The following GOLGA6L7 variants were observed in gnomAD, a reference collection of about 807,000 sequenced individuals.
The protein encoded by GOLGA6L7 is golgin A6 family like 7.
GOLGA6L7 carries 29 observed loss-of-function variants against 68.9 expected under a neutral mutation model. The observed-to-expected ratio is 0.42, with a 90% CI of 0.31 to 0.57. The LOEUF (loss-of-function observed/expected upper bound fraction) is 0.57, where lower values mean the gene tolerates loss of function less well. Ranked by LOEUF, GOLGA6L7 falls within the 20% of genes least tolerant of loss-of-function variation. The pLI is 0.13. For synonymous variants in GOLGA6L7, 133 were observed against 197.4 expected, an observed-to-expected ratio of 0.67 and a Z score of 2.73; for missense variants, 396 against 588.4, an observed-to-expected ratio of 0.67 and a Z score of 3.38.
In GOLGA6L7 at chr15:28,843,187, A is replaced by G. The variant is rs2030277243; in HGVS notation, c.917T>C (p.Met306Thr). The change falls in exon 9 of 9, where the codon ATG becomes ACG. Residue 306 changes from methionine to threonine, a missense_variant. Transcript: ENST00000567390. ...CCGCATCTGCTCCTCCTGCTTCCGC[A>G]TCTGCTCCTCCTGCTTCCGCATCTG... ...EEQMRKQEEQ[M>T]RKQEEQMRKQ... 1 of 495,984 alleles carries G rather than the reference A, an allele frequency of 2.0e-6. No individual in the cohort carries two copies. Among genetic ancestry groups the G allele is most frequent in the Non-Finnish European group, 3.5e-6 (1 of 284,338 alleles). The allele number at this position is 495,984 out of a possible 1,614,324, so 30.7% of individuals were successfully genotyped here. A position where few individuals can be genotyped will look rare whatever the true frequency, so the allele number is the denominator to read the frequency against.
rs1252278256 is a variant in GOLGA6L7, at chr15:28,842,571, C to G, written c.1533G>C (p.Glu511Asp). ...TCTTCTCCTCCTCCTCCTGCATCTTCTCATACTCATCCCACAGCCTCTCCT... is the reference window on the plus strand; with the variant it reads ...TCTTCTCCTCCTCCTCCTGCATCTTGTCATACTCATCCCACAGCCTCTCCT... ...FKEERLWDEY[E>D]KMQEEEEKIR... Residue 511 changes from glutamate (E) to aspartate (D), a missense_variant, in exon 9 of 9, where the codon GAG becomes GAC. By Grantham distance (45) the Glu-to-Asp change is conservative. Transcript: ENST00000567390. 1 of 1,276,162 alleles carries G rather than the reference C, an allele frequency of 7.8e-7. No homozygotes were observed. Among genetic ancestry groups the G allele is most frequent in the Non-Finnish European group, 9.9e-7 (1 of 1,014,452 alleles). 79.1% of individuals were successfully genotyped at this position (1,276,162 alleles called of 1,614,324 possible). A position where few individuals can be genotyped will look rare whatever the true frequency, so the allele number is the denominator to read the frequency against.
At chr15:28,844,036 T>G (rs2030316864) in intron 7 of GOLGA6L7, among the ~76,000 whole-genome samples, 161 bp from the exon 8 acceptor site, 1 of 151,976 alleles carries the variant, frequency 6.6e-6, no homozygotes, top group Admixed American at 6.6e-5. Context: ...AGACATGAGT[T>G]GCCTGAGGCT....
At chr15:28,846,913 C>T (rs1417348211) in intron 2 of GOLGA6L7, 151 bp downstream of exon 2, 2 of 545,552 alleles carry the variant, frequency 3.7e-6, no homozygotes, top group Non-Finnish European at 6.2e-6. Flanking sequence ...TTTCCCTAAA[C>T]CGTGTCCCTC....
intron 1 of GOLGA6L7, 110 bp downstream of exon 1, chr15:28,848,389 G>GCCCGGCCCTGCGTGC: frequency 1.5e-6 from 1 of 646,784 alleles, no homozygotes; most frequent in East Asian, 2.8e-5. Flanking sequence ...ACTGGGGGGG[G>GCCCGGCCCTGCGTGC]CCCGGCCCTG....
rs201395869 is a variant in GOLGA6L7, at chr15:28,841,908, AAC to A, written c.*325_*326del. On this transcript the variant is annotated 3_prime_UTR_variant, in exon 9 of 9. Transcript: ENST00000567390. ...ACAAAAGGAGAAAACAAACAAAAAA[AAC>A]AATAGAAACATACATAGATATTAGA... The A allele has an allele frequency of 1.6e-4, 27 of 170,226 alleles. No individual in the cohort carries two copies. Among genetic ancestry groups the A allele is most frequent in the East Asian group, 4.6e-4 (3 of 6,582 alleles). 10.5% of individuals were successfully genotyped at this position (170,226 alleles called of 1,614,324 possible). A position where few individuals can be genotyped will look rare whatever the true frequency, so the allele number is the denominator to read the frequency against.
chr15:28,842,543 G>C lies in GOLGA6L7; in HGVS notation c.1561C>G (p.Arg521Gly). 8.1e-7 allele frequency: 1 copy of C among 1,239,668 alleles called. No homozygotes were observed. The highest frequency in any genetic ancestry group is 1.0e-6 in the Non-Finnish European group (1 of 989,336). The allele number at this position is 1,239,668 out of a possible 1,614,324, so 76.8% of individuals were successfully genotyped here. ...EKMQEEEEKI[R>G]RQVEKRREKK... Reference sequence around the variant, plus strand: ...TCCCGCCTCTTCTCCACCTGCCTCCGGATCTTCTCCTCCTCCTCCTGCATC... The same window carrying C: ...TCCCGCCTCTTCTCCACCTGCCTCCCGATCTTCTCCTCCTCCTCCTGCATC... Residue 521 changes from arginine to glycine, a missense_variant, in exon 9 of 9, where the codon CGG becomes GGG. Physicochemically the swap from Arg to Gly is moderately radical, Grantham distance 125. Transcript: ENST00000567390.
intron 1 of GOLGA6L7, among the ~76,000 whole-genome samples, chr15:28,847,772 A>C (rs1031226034): frequency 1.2e-4 from 18 of 152,356 alleles, no homozygotes; most frequent in African/African-American, 4.1e-4. Flanking sequence ...GAGATGAGGA[A>C]GATTCAAGTT....
chr15:28,842,254 A>C lies in GOLGA6L7; in HGVS notation c.1850T>G (p.Ile617Ser). 1 of 1,229,696 alleles carries C rather than the reference A, an allele frequency of 8.1e-7. No homozygotes were observed. The highest frequency in any genetic ancestry group is 1.0e-6 in the Non-Finnish European group (1 of 985,328). The allele number at this position is 1,229,696 out of a possible 1,614,324, so 76.2% of individuals were successfully genotyped here. The part of the protein sequence containing the change: ...PFFYGGDKKK[I>S]KIISI ...TTCTTTTTAGATACTGATGATCTTG[A>C]TCTTTTTCTTGTCTCCTCCGTAGAA... Residue 617 changes from isoleucine (I) to serine (S), a missense_variant, in exon 9 of 9, where the codon ATC (isoleucine) becomes AGC (serine). Ile to Ser is a moderately radical substitution (Grantham distance 142). Around this residue, in one of 5 missense-constraint regions of GOLGA6L7, gnomAD observed 125 missense variants for 163.3 expected, o/e 0.77. Transcript: ENST00000567390.
intron 4 of GOLGA6L7, 35 bp from the exon 5 acceptor site, chr15:28,845,846 A>G (rs1482905083): frequency 9.9e-7 from 1 of 1,005,346 alleles, no homozygotes; most frequent in Admixed American, 1.9e-5. Context: ...GCTGAAAGAG[A>G]AGCAAAGAAA....
intron 8 of GOLGA6L7, 74 bp downstream of exon 8, chr15:28,843,660 C>T: frequency 1.7e-6 from 1 of 587,584 alleles, no homozygotes; most frequent in South Asian, 2.3e-5. Context: ...GGAGCCTCCC[C>T]ACACCCTGCA....
intron 1 of GOLGA6L7, 149 bp downstream of exon 1, chr15:28,848,350 C>T: frequency 1.6e-6 from 1 of 617,656 alleles, no homozygotes; most frequent in Non-Finnish European, 2.9e-6. Context: ...GGGGCTGACA[C>T]AAGATTTTGG....
intron 6 of GOLGA6L7, chr15:28,845,125 T>TACGTAC (rs1435501840): frequency 3.1e-5 from 9 of 289,414 alleles, no homozygotes; most frequent in African/African-American, 2.5e-4. Context: ...AATACGTACG[T>TACGTAC]ACACACACAC....
chr15:28,844,533 C>T (rs550106640), intron 6 of GOLGA6L7, among the ~76,000 whole-genome samples: 4 of 149,750 alleles, frequency 2.7e-5, no homozygotes, highest in South Asian at 2.1e-4. Flanking sequence ...CGGCTTCAAG[C>T]GATTCTTCTG....
chr15:28,844,743 G>C (rs936046670), intron 6 of GOLGA6L7, among the ~76,000 whole-genome samples: 34 of 152,080 alleles, frequency 2.2e-4, no homozygotes, highest in African/African-American at 8.0e-4. Context: ...CCTTTCTTGA[G>C]TGCTTCACCA....
chr15:28,848,327 C>T (rs538562231), intron 1 of GOLGA6L7, among the ~76,000 whole-genome samples, 172 bp downstream of exon 1: 1 of 152,086 alleles, frequency 6.6e-6, no homozygotes, highest in Admixed American at 6.5e-5. Flanking sequence ...AGGGGCAGGA[C>T]TGCTGAGGGG....
chr15:28,847,311 G>T, intron 1 of GOLGA6L7, 119 bp from the exon 2 acceptor site: 1 of 569,396 alleles, frequency 1.8e-6, no homozygotes, highest in Non-Finnish European at 2.9e-6. Context: ...ACTGTACGAG[G>T]TGTTGTCGCA....
intron 1 of GOLGA6L7, 79 bp downstream of exon 1, chr15:28,848,420 G>A (rs2030521726): frequency 1.5e-6 from 1 of 683,328 alleles, no homozygotes; most frequent in Non-Finnish European, 2.7e-6. Context: ...GAGTGACACG[G>A]ATTCTGGCAG....
chr15:28,841,991 C>T lies in GOLGA6L7; in HGVS notation c.*244G>A. 6.5e-6 allele frequency: 2 copies of T among 309,750 alleles called. No homozygotes were observed. The highest frequency in any genetic ancestry group is 1.2e-5 in the Non-Finnish European group (2 of 171,778). The allele number at this position is 309,750 out of a possible 1,614,324, so 19.2% of individuals were successfully genotyped here. A position where few individuals can be genotyped will look rare whatever the true frequency, so the allele number is the denominator to read the frequency against. On this transcript the variant is annotated 3_prime_UTR_variant, in exon 9 of 9. Coordinates refer to ENST00000567390, the MANE Select transcript of GOLGA6L7 (RefSeq NM_001365371.2). ...TGAAATGGGAGTTTCACTCTGTCAC[C>T]CAGCCTGGAGTGCAGTGGTGTGATC...
chr15:28,847,907 GA>G (rs2030498144), intron 1 of GOLGA6L7, among the ~76,000 whole-genome samples: 3 of 152,240 alleles, frequency 2.0e-5, no homozygotes, highest in Non-Finnish European at 4.4e-5. Context: ...GGAGAACTTA[GA>G]AAAAACTGTT....
Sources: gnomAD v4.1 joint callset for allele counts (sites outside exome capture counted in the v4.1 genomes callset) on GRCh38, gnomAD v4.1.1 for gene constraint, gnomAD v4.1.1 regional missense constraint, MANE v1.5 for transcripts, NCBI Gene and HGNC (gene_info 2026-07-23, HGNC 2026-07-21) for gene names.